The following EVA1B variants were observed in gnomAD, a reference collection of about 807,000 sequenced individuals.
EVA1B encodes protein eva-1 homolog B.
Under a neutral mutation model 4.6 loss-of-function variants are expected in EVA1B, and 2 were observed. The observed-to-expected ratio is 0.43, with a 90% CI of 0.18 to 1.37. The LOEUF (loss-of-function observed/expected upper bound fraction) is 1.37. Ranked by LOEUF, EVA1B falls within the 40% of genes most tolerant of loss-of-function variation. The pLI is 0.28. For missense variants in EVA1B, 263 were observed against 240.4 expected, an observed-to-expected ratio of 1.09 and a Z score of -0.62; for synonymous variants, 124 against 115.8, an observed-to-expected ratio of 1.07 and a Z score of -0.46.
intron 2 of EVA1B, 42 bp downstream of exon 2, chr1:36,322,929 G>A (rs1305363637): frequency 6.2e-7 from 1 of 1,602,602 alleles, no homozygotes; most frequent in South Asian, 1.1e-5. Flanking sequence ...ATGGTGGTCA[G>A]GGAAGGGTTC....
In EVA1B at chr1:36,322,145, C is replaced by G; in HGVS notation, c.*150G>C. ...CCGCCCCCGGGGTCTTCTGGCAGGA[C>G]TGGGGAAGGGAGCCTCTCAGGGGGT... On this transcript the variant is annotated 3_prime_UTR_variant, in exon 3 of 3. Transcript: ENST00000490466. The G allele has an allele frequency of 7.4e-7, 1 of 1,353,688 alleles. No individual in the cohort carries two copies. The highest frequency in any genetic ancestry group is 1.5e-5 in the African/African-American group (1 of 64,914). The allele number at this position is 1,353,688 out of a possible 1,614,324, so 83.9% of individuals were successfully genotyped here.
At position 36,322,616 on chromosome 1, in the gene EVA1B, G is replaced by C; in HGVS notation, c.177C>G (p.Pro59=). ...GGTCCCGGCGCTGAGCCGGGCCCCGGGGCCGCGGGCGGGGCGCCCACGAGA... is the reference window on the plus strand; with the variant it reads ...GGTCCCGGCGCTGAGCCGGGCCCCGCGGCCGCGGGCGGGGCGCCCACGAGA... ...ISISWAPRPR[P]RGPAQRRDPR... is the part of the protein sequence containing the mutation. Residue 59 remains proline, a synonymous_variant, in exon 3 of 3, where the codon CCC becomes CCG. Coordinates refer to ENST00000490466, the MANE Select transcript of EVA1B (RefSeq NM_001304762.2). 1 of 1,547,786 alleles carries C rather than the reference G, an allele frequency of 6.5e-7. No individual in the cohort carries two copies. Among genetic ancestry groups the C allele is most frequent in the Non-Finnish European group, 8.7e-7 (1 of 1,149,110 alleles).
In EVA1B at chr1:36,322,225, G is replaced by A; in HGVS notation, c.*70C>T. 1 of 1,414,252 alleles carries A rather than the reference G, an allele frequency of 7.1e-7. No individual in the cohort carries two copies. The highest frequency in any genetic ancestry group is 9.2e-7 in the Non-Finnish European group (1 of 1,086,216). The allele number at this position is 1,414,252 out of a possible 1,614,324, so 87.6% of individuals were successfully genotyped here. A position where few individuals can be genotyped will look rare whatever the true frequency, so the allele number is the denominator to read the frequency against. Reference sequence around the variant, plus strand: ...CTGTGGGGGCCGAGGCAGTCCGAAGGTGTGGGGTAGCTCTGAGCTCATGTG... The same window carrying A: ...CTGTGGGGGCCGAGGCAGTCCGAAGATGTGGGGTAGCTCTGAGCTCATGTG... On this transcript the variant is annotated 3_prime_UTR_variant, in exon 3 of 3. Coordinates refer to ENST00000490466, the MANE Select transcript of EVA1B (RefSeq NM_001304762.2).
chr1:36,323,162 GT>G, intron 1 of EVA1B, 95 bp from the exon 2 acceptor site: 1 of 1,088,368 alleles, frequency 9.2e-7, no homozygotes, highest in Admixed American at 3.0e-5. Flanking sequence ...GCGGGCCCAG[GT>G]TCCACCCTGG....
chr1:36,323,204 C>T (rs1442919110), intron 1 of EVA1B, 137 bp from the exon 2 acceptor site: 3 of 723,724 alleles, frequency 4.1e-6, no homozygotes, highest in African/African-American at 3.8e-5. Context: ...CGTGGCGGCC[C>T]GGGGCCCTGT....
chr1:36,322,491 G>A lies in EVA1B; in HGVS notation c.302C>T (p.Ser101Phe), dbSNP rs1355874765. ...GTTGAGGGGCCCGTCCGGCTCTGCG[G>A]ACAGCTCGGGGCCCGGCAGCGTGTC... is the stretch of plus-strand genomic sequence containing the variant. ...PDDTLPGPEL[S>F]AEPDGPLNVN... is the part of the protein sequence containing the mutation. The change falls in exon 3 of 3, where the codon TCC becomes TTC. Residue 101 changes from serine to phenylalanine, a missense_variant. Physicochemically the swap from Ser to Phe is radical, Grantham distance 155. Transcript: ENST00000490466. 2 of 1,603,592 alleles carry A rather than the reference G, an allele frequency of 1.2e-6. No individual in the cohort carries two copies. The highest frequency in any genetic ancestry group is 1.3e-5 in the African/African-American group (1 of 74,912).
Position 36,323,028 on chromosome 1 carries a change from G to A in EVA1B, c.10C>T (p.Pro4Ser), listed in dbSNP as rs1557491448. Reference protein sequence around the residue: MDAPRRDMELLSNS... With the variant: MDASRRDMELLSNS... ...CTGAGCAACTCCATGTCCCTTCGCG[G>A]GGCATCCATGCTGCTCTGGGGGGCA... Residue 4 changes from proline (P) to serine (S), a missense_variant, in exon 2 of 3, where the codon CCG (proline) becomes TCG (serine). Coordinates refer to ENST00000490466, the MANE Select transcript of EVA1B (RefSeq NM_001304762.2). The A allele has an allele frequency of 6.2e-7, 1 of 1,600,436 alleles. No individual in the cohort carries two copies. The highest frequency in any genetic ancestry group is 8.5e-7 in the Non-Finnish European group (1 of 1,176,222).
intron 2 of EVA1B, 82 bp downstream of exon 2, chr1:36,322,889 G>A: frequency 6.4e-7 from 1 of 1,559,824 alleles, no homozygotes; most frequent in Non-Finnish European, 8.8e-7. Flanking sequence ...GGGGCGGAGG[G>A]GACGGACAAG....
At chr1:36,322,766 G>A (rs1646489807) in intron 2 of EVA1B, 41 bp from the exon 3 acceptor site, 1 of 1,533,272 alleles carries the variant, frequency 6.5e-7, no homozygotes, top group South Asian at 1.2e-5. Context: ...GGCCCGGACG[G>A]GTGGGGGTTG....
rs1311576386 is a variant in EVA1B, at chr1:36,322,304, G to A, written c.489C>T (p.His163=). 5 of 1,537,254 alleles carry A rather than the reference G, an allele frequency of 3.3e-6. No homozygotes were observed. Among genetic ancestry groups the A allele is most frequent in the Non-Finnish European group, 3.5e-6 (4 of 1,151,046 alleles). Residue 163 remains histidine (H), a synonymous_variant, in exon 3 of 3, where the codon CAC becomes CAT. Coordinates refer to ENST00000490466, the MANE Select transcript of EVA1B (RefSeq NM_001304762.2). ...PTATGTLGRM[H]YY is the part of the protein sequence containing the mutation. Reference sequence around the variant, plus strand: ...CGGGAGCCGGGGCCCATCAGTAATAGTGCATGCGGCCCAGGGTGCCCGTGG... The same window carrying A: ...CGGGAGCCGGGGCCCATCAGTAATAATGCATGCGGCCCAGGGTGCCCGTGG...
intron 2 of EVA1B, 87 bp downstream of exon 2, chr1:36,322,884 G>T (rs1646491835): frequency 1.3e-6 from 2 of 1,550,202 alleles, no homozygotes; most frequent in Non-Finnish European, 1.8e-6. Context: ...GGAGCGGGGC[G>T]GAGGGGACGG....
Position 36,322,597 on chromosome 1 carries a change from G to A in EVA1B, c.196C>T (p.Arg66Trp), listed in dbSNP as rs776974741. The part of the protein sequence containing the change: ...RPRPRGPAQR[R>W]DPRSSTLEPE... ...TCCAGGGTGCTGCTGCGGGGGTCCC[G>A]GCGCTGAGCCGGGCCCCGGGGCCGC... The change falls in exon 3 of 3, where the codon CGG becomes TGG. Residue 66 changes from arginine (R) to tryptophan (W), a missense_variant. Physicochemically the swap from Arg to Trp is moderately radical, Grantham distance 101. Coordinates refer to ENST00000490466, the MANE Select transcript of EVA1B (RefSeq NM_001304762.2). The A allele has an allele frequency of 3.2e-6, 5 of 1,561,118 alleles. No individual in the cohort carries two copies. Among genetic ancestry groups the A allele is most frequent in the Admixed American group, 1.9e-5 (1 of 52,058 alleles).
rs774404441 is a variant in EVA1B, at chr1:36,322,489, C to A, written c.304G>T (p.Ala102Ser). Reference sequence around the variant, plus strand: ...ACGTTGAGGGGCCCGTCCGGCTCTGCGGACAGCTCGGGGCCCGGCAGCGTG... The same window carrying A: ...ACGTTGAGGGGCCCGTCCGGCTCTGAGGACAGCTCGGGGCCCGGCAGCGTG... ...DDTLPGPELS[A>S]EPDGPLNVNV... Residue 102 changes from alanine to serine, a missense_variant, in exon 3 of 3, where the codon GCA becomes TCA. By Grantham distance (99) the Ala-to-Ser change is moderately conservative. Transcript: ENST00000490466. 1.9e-6 allele frequency: 3 copies of A among 1,603,424 alleles called. No homozygotes were observed. Among genetic ancestry groups the A allele is most frequent in the Non-Finnish European group, 2.5e-6 (3 of 1,179,084 alleles).
rs1426112673 is a variant in EVA1B, at chr1:36,322,726, C to T, written c.68-1G>A. 4.5e-6 allele frequency: 7 copies of T among 1,546,130 alleles called. No individual in the cohort carries two copies. On this transcript the variant is annotated splice_acceptor_variant, in intron 2 of 2. Transcript: ENST00000490466. LOFTEE classifies it high-confidence loss of function. The stretch of plus-strand genomic sequence containing the variant: ...TAGAGGCCGAAGCTCTCGGGGTTGG[C>T]TGCGGGGCACAGGGCGGGGGTCACG...
rs979680328 is a variant in EVA1B, at chr1:36,322,326, G to A, written c.467C>T (p.Thr156Met). The change falls in exon 3 of 3, where the codon ACG becomes ATG. Residue 156 changes from threonine to methionine, a missense_variant. Physicochemically the swap from Thr to Met is moderately conservative, Grantham distance 81. Transcript: ENST00000490466. ...ATAGTGCATGCGGCCCAGGGTGCCC[G>A]TGGCCGTGGGGCTGGGCCCCAGCGT... The part of the protein sequence containing the change: ...TGTLGPSPTA[T>M]GTLGRMHYY 2 of 1,563,374 alleles carry A rather than the reference G, an allele frequency of 1.3e-6. No homozygotes were observed. Among genetic ancestry groups the A allele is most frequent in the Non-Finnish European group, 1.7e-6 (2 of 1,163,722 alleles).
Position 36,323,000 on chromosome 1 carries a change from T to C in EVA1B, c.38A>G (p.Asn13Ser). The part of the protein sequence containing the change: ...APRRDMELLS[N>S]SLAAYAHIRA... The stretch of plus-strand genomic sequence containing the variant: ...GATGTGCGCGTAGGCAGCCAGGCTG[T>C]TGCTGAGCAACTCCATGTCCCTTCG... The change falls in exon 2 of 3, where the codon AAC (asparagine) becomes AGC (serine). Residue 13 changes from asparagine (N) to serine (S), a missense_variant. Coordinates refer to ENST00000490466, the MANE Select transcript of EVA1B (RefSeq NM_001304762.2). 6.2e-7 allele frequency: 1 copy of C among 1,605,408 alleles called. No homozygotes were observed. Among genetic ancestry groups the C allele is most frequent in the Non-Finnish European group, 8.5e-7 (1 of 1,177,332 alleles).
Position 36,322,717 on chromosome 1 carries a change from CG to C in EVA1B, c.75del (p.Glu26ArgfsTer61). ...AGCACGAAGTAGAGGCCGAAGCTCT[CG>C]GGGTTGGCTGCGGGGCACAGGGCGG... ...LAAYAHIRAN[P>X]ESFGLYFVLG... is the part of the protein sequence containing the mutation. On this transcript the variant is annotated frameshift_variant, in exon 3 of 3. Transcript: ENST00000490466. LOFTEE classifies it low-confidence loss of function (END_TRUNC). The C allele has an allele frequency of 6.5e-7, 1 of 1,546,648 alleles. No homozygotes were observed.
At chr1:36,323,318 C>A in intron 1 of EVA1B, 141 bp downstream of exon 1, 1 of 406,698 alleles carries the variant, frequency 2.5e-6, no homozygotes, top group East Asian at 4.7e-5. Flanking sequence ...AGCTGAGGCC[C>A]GGTTCCGCCG....
In EVA1B at chr1:36,322,118, C is replaced by A; in HGVS notation, c.*177G>T. 7.4e-7 allele frequency: 1 copy of A among 1,354,024 alleles called. No individual in the cohort carries two copies. Among genetic ancestry groups the A allele is most frequent in the Middle Eastern group, 2.7e-4 (1 of 3,668 alleles). 83.9% of individuals were successfully genotyped at this position (1,354,024 alleles called of 1,614,324 possible). A position where few individuals can be genotyped will look rare whatever the true frequency, so the allele number is the denominator to read the frequency against. The stretch of plus-strand genomic sequence containing the variant: ...GTGGGGACCCTGCATGCTGCCCCCT[C>A]CCCGCCCCCGGGGTCTTCTGGCAGG... On this transcript the variant is annotated 3_prime_UTR_variant, in exon 3 of 3. Coordinates refer to ENST00000490466, the MANE Select transcript of EVA1B (RefSeq NM_001304762.2).
Sources: gnomAD v4.1 joint callset for allele counts on GRCh38, gnomAD v4.1.1 for gene constraint, MANE v1.5 for transcripts, NCBI Gene and HGNC (gene_info 2026-07-23, HGNC 2026-07-21) for gene names.